The following KCNMA1 variants were observed in gnomAD, a reference collection of about 807,000 sequenced individuals.
KCNMA1 encodes the protein Calcium-activated potassium channel subunit alpha-1.
Under a neutral mutation model 140.0 loss-of-function variants are expected in KCNMA1, and 29 were observed. That is an observed-to-expected ratio of 0.21 (90% CI 0.15 to 0.28). KCNMA1 has a LOEUF of 0.28. Ranked by LOEUF, KCNMA1 falls within the 10% of genes least tolerant of loss-of-function variation. The pLI is 1.00. For synonymous variants in KCNMA1, 612 were observed against 611.9 expected, an observed-to-expected ratio of 1.00 and a Z score of 0.00; for missense variants, 880 against 1,602.2, an observed-to-expected ratio of 0.55 and a Z score of 7.70.
At chr10:77,042,153 G>C (rs757896722) in intron 14 of KCNMA1, among the ~76,000 whole-genome samples, 6 of 151,956 alleles carry the variant, frequency 3.9e-5, no homozygotes, top group Non-Finnish European at 7.4e-5. Flanking sequence ...CTACAAATTG[G>C]CCTTCCCCAG....
intron 2 of KCNMA1, among the ~76,000 whole-genome samples, chr10:77,311,182 T>C (rs2154343886): frequency 6.6e-6 from 1 of 152,330 alleles, no homozygotes; most frequent in African/African-American, 2.4e-5. Context: ...CCACAATGCA[T>C]GCCCACTCCA....
intron 2 of KCNMA1, among the ~76,000 whole-genome samples, chr10:77,290,314 A>C (rs571249538): frequency 6.6e-6 from 1 of 152,236 alleles, no homozygotes; most frequent in Non-Finnish European, 1.5e-5. Context: ...TGCAGTGGAG[A>C]TTAAATGAAA....
intron 1 of KCNMA1, among the ~76,000 whole-genome samples, chr10:77,597,198 T>C (rs1355174672): frequency 2.0e-5 from 3 of 152,068 alleles, no homozygotes. Flanking sequence ...GGTACCTCTA[T>C]ACCGTGAAAA....
chr10:76,987,740 A>C (rs1407477763), intron 19 of KCNMA1, among the ~76,000 whole-genome samples: 1 of 152,194 alleles, frequency 6.6e-6, no homozygotes, highest in African/African-American at 2.4e-5. Flanking sequence ...GCTTCTAGAG[A>C]ATTGTTAGAT....
intron 17 of KCNMA1, among the ~76,000 whole-genome samples, chr10:77,016,365 G>A (rs535255673): frequency 8.9e-4 from 136 of 152,144 alleles, no homozygotes; most frequent in Non-Finnish European, 1.7e-3. Context: ...TGAGCCCCAC[G>A]AGAGTTGGGA....
At chr10:77,438,193 G>C (rs1729398324) in intron 1 of KCNMA1, among the ~76,000 whole-genome samples, 2 of 152,116 alleles carry the variant, frequency 1.3e-5, no homozygotes, top group Non-Finnish European at 2.9e-5. Context: ...CAAGTTGCTA[G>C]GACTAGAAGC....
intron 1 of KCNMA1, among the ~76,000 whole-genome samples, chr10:77,440,947 T>C (rs1035031574): frequency 2.0e-5 from 3 of 151,992 alleles, no homozygotes; most frequent in African/African-American, 7.3e-5. Context: ...GCCCTCCGAG[T>C]GGCTGGGACT....
At chr10:77,387,584 T>G (rs1443422710) in intron 2 of KCNMA1, among the ~76,000 whole-genome samples, 1 of 149,158 alleles carries the variant, frequency 6.7e-6, no homozygotes, top group East Asian at 1.9e-4. Context: ...TTTTTTCTTT[T>G]CTCTTTTCTT....
intron 19 of KCNMA1, among the ~76,000 whole-genome samples, chr10:76,998,607 T>G (rs2085151575): frequency 6.6e-6 from 1 of 152,176 alleles, no homozygotes; most frequent in Non-Finnish European, 1.5e-5. Context: ...CTGACCTCAC[T>G]TTGATTCAAG....
At chr10:77,042,334 GTCACT>G (rs2094769621) in intron 14 of KCNMA1, among the ~76,000 whole-genome samples, 1 of 152,102 alleles carries the variant, frequency 6.6e-6, no homozygotes, top group Non-Finnish European at 1.5e-5. Context: ...ATAAGCAAAG[GTCACT>G]AACTCTAACT....
chr10:77,222,263 T>C (rs887849680), intron 3 of KCNMA1, among the ~76,000 whole-genome samples: 3 of 152,170 alleles, frequency 2.0e-5, no homozygotes, highest in Non-Finnish European at 2.9e-5. Context: ...AAGAATCAGA[T>C]TGGAAGAGCA....
chr10:76,887,315 G>A lies in KCNMA1; in HGVS notation c.3662C>T (p.Ser1221Phe). 6.2e-7 allele frequency: 1 copy of A among 1,614,066 alleles called. No individual in the cohort carries two copies. The highest frequency in any genetic ancestry group is 8.5e-7 in the Non-Finnish European group (1 of 1,180,002). ...STANRQNRPK[S>F]RESRDKQKYV... ...CTTCTGTTTGTCCCGGGACTCCCTG[G>A]ACTTGGGCCGGTTCTGTCGGTTTGC... is the stretch of plus-strand genomic sequence containing the variant. The change falls in exon 28 of 28, where the codon TCC becomes TTC. Residue 1221 changes from serine (S) to phenylalanine (F), a missense_variant. Physicochemically the swap from Ser to Phe is radical, Grantham distance 155 (BLOSUM62 -2). Coordinates refer to ENST00000286628, the MANE Select transcript of KCNMA1 (RefSeq NM_001161352.2).
intron 1 of KCNMA1, among the ~76,000 whole-genome samples, chr10:77,416,247 G>A (rs2096739229): frequency 6.6e-6 from 1 of 152,158 alleles, no homozygotes; most frequent in South Asian, 2.1e-4. Flanking sequence ...AGGAAAGGTA[G>A]GGTCTGAGGG....
chr10:76,903,248 C>CT (rs2046327479), intron 25 of KCNMA1: 1 of 152,310 alleles, frequency 6.6e-6, no homozygotes, highest in African/African-American at 2.4e-5. Flanking sequence ...GCTGTCAAGC[C>CT]TTTTAAACTA....
intron 2 of KCNMA1, among the ~76,000 whole-genome samples, chr10:77,357,000 T>C (rs2093549964): frequency 6.6e-6 from 1 of 152,214 alleles, no homozygotes; most frequent in Admixed American, 6.5e-5. Flanking sequence ...GCCAATATGA[T>C]ATGCATTTGA....
intron 22 of KCNMA1, 101 bp downstream of exon 22, chr10:76,949,041 A>C: frequency 1.0e-6 from 1 of 990,014 alleles, no homozygotes; most frequent in South Asian, 1.3e-5. Flanking sequence ...CCAGATGAAG[A>C]AGCACAGGCA....
intron 18 of KCNMA1, among the ~76,000 whole-genome samples, chr10:77,009,916 T>A (rs183969033): frequency 6.6e-6 from 1 of 152,300 alleles, no homozygotes; most frequent in African/African-American, 2.4e-5. Flanking sequence ...TTTATTTATT[T>A]ACATCATCAT....
intron 5 of KCNMA1, among the ~76,000 whole-genome samples, chr10:77,130,186 G>A (rs1156482165): frequency 6.6e-6 from 1 of 152,072 alleles, no homozygotes; most frequent in Non-Finnish European, 1.5e-5. Flanking sequence ...CTTTTCAGTG[G>A]TGCAAAAGTG....
At chr10:77,014,546 T>C (rs2091597526) in intron 17 of KCNMA1, among the ~76,000 whole-genome samples, 1 of 152,144 alleles carries the variant, frequency 6.6e-6, no homozygotes, top group African/African-American at 2.4e-5. Flanking sequence ...CCTGTCTAAC[T>C]GAAATTTCAT....
Sources: allele counts gnomAD v4.1 joint callset (sites outside exome capture counted in the v4.1 genomes callset), GRCh38; gene constraint gnomAD v4.1.1; transcripts MANE v1.5; gene names NCBI Gene and HGNC (gene_info 2026-07-23, HGNC 2026-07-21).